PAK5: variants seen among roughly 807,000 people sequenced by gnomAD.
PAK5 encodes the protein serine/threonine-protein kinase PAK 5.
In PAK5, 16 loss-of-function variants were observed where a neutral mutation model predicts 65.9. That is an observed-to-expected ratio of 0.24 (90% CI 0.16 to 0.37). The LOEUF is 0.37. PAK5 is among the 10% of genes least tolerant of loss of function. The pLI is 1.00. For missense variants in PAK5, 785 were observed against 903.9 expected, an observed-to-expected ratio of 0.87 and a Z score of 1.69; for synonymous variants, 371 against 354.9, an observed-to-expected ratio of 1.05 and a Z score of -0.51.
rs184336536 is a variant in PAK5 at position 9,724,211 on chromosome 20, G to A, written c.-161-12776C>T. On this transcript the variant is annotated intron_variant, in intron 1 of 9. Transcript: ENST00000353224. Reference sequence around the variant, plus strand: ...AAATTTTTTTTAATTTGTAGTTTACGGAGATTTATTTATGTTTTTAGTACC... The same window carrying A: ...AAATTTTTTTTAATTTGTAGTTTACAGAGATTTATTTATGTTTTTAGTACC... Among the ~76,000 whole-genome samples the A allele has an allele frequency of 1.1e-3, 170 of 152,244 alleles. 2 individuals carry two copies. The highest frequency in any genetic ancestry group is 1.8e-3 in the Non-Finnish European group (125 of 68,028).
chr20:9,658,710 G>A (rs2047303695), intron 2 of PAK5, among the ~76,000 whole-genome samples: 1 of 152,176 alleles, frequency 6.6e-6, no homozygotes, highest in South Asian at 2.1e-4. Flanking sequence ...AACAAACCCT[G>A]ATTGTAATGT....
At chr20:9,712,808 T>C (rs75326655) in intron 1 of PAK5, among the ~76,000 whole-genome samples, 2,695 of 152,226 alleles carry the variant, frequency 0.018, 85 homozygotes, top group African/African-American at 0.062. Context: ...GAAAACCTGA[T>C]ATACATATAC....
At chr20:9,605,755 C>G (rs576654437) in intron 3 of PAK5, among the ~76,000 whole-genome samples, 97 of 152,088 alleles carry the variant, frequency 6.4e-4, no homozygotes, top group African/African-American at 2.1e-3. Context: ...ATGGTAAGAC[C>G]CCGTCTCTAC....
At chr20:9,753,500 G>C (rs1035093887) in intron 1 of PAK5, among the ~76,000 whole-genome samples, 6 of 152,024 alleles carry the variant, frequency 3.9e-5, no homozygotes, top group Admixed American at 3.9e-4. Flanking sequence ...AGTGTATATA[G>C]AGTTTCACAG....
At chr20:9,730,985 A>G (rs2048329650) in intron 1 of PAK5, among the ~76,000 whole-genome samples, 1 of 152,238 alleles carries the variant, frequency 6.6e-6, no homozygotes, top group Non-Finnish European at 1.5e-5. Context: ...TCCAGTGAAC[A>G]CTGACATAGT....
At chr20:9,563,752 T>C (rs897544348) in intron 5 of PAK5, among the ~76,000 whole-genome samples, 2 of 152,100 alleles carry the variant, frequency 1.3e-5, no homozygotes, top group Non-Finnish European at 2.9e-5. Flanking sequence ...GGCATTGTGG[T>C]TTGGAAAATA....
At chr20:9,662,958 T>A (rs1449887589) in intron 2 of PAK5, among the ~76,000 whole-genome samples, 1 of 152,182 alleles carries the variant, frequency 6.6e-6, no homozygotes, top group Non-Finnish European at 1.5e-5. Flanking sequence ...TTATATTTAA[T>A]GAGCCAAGGA....
At chr20:9,562,538 C>G (rs529642349) in intron 6 of PAK5, among the ~76,000 whole-genome samples, 1 of 152,162 alleles carries the variant, frequency 6.6e-6, no homozygotes, top group Non-Finnish European at 1.5e-5. Flanking sequence ...TCCTTGGTGT[C>G]TTAGCATGCA....
chr20:9,634,338 TG>T (rs2046958405), intron 3 of PAK5, among the ~76,000 whole-genome samples: 1 of 152,126 alleles, frequency 6.6e-6, no homozygotes, highest in African/African-American at 2.4e-5. Context: ...GAAGAAGTGG[TG>T]GGTACCCACA....
chr20:9,635,461 C>T (rs1479031300), intron 3 of PAK5, among the ~76,000 whole-genome samples: 1 of 152,040 alleles, frequency 6.6e-6, no homozygotes, highest in Non-Finnish European at 1.5e-5. Context: ...GGCCATATCC[C>T]CCACCCCTCT....
At chr20:9,602,044 G>C (rs2046369190) in intron 3 of PAK5, among the ~76,000 whole-genome samples, 1 of 152,152 alleles carries the variant, frequency 6.6e-6, no homozygotes, top group Non-Finnish European at 1.5e-5. Flanking sequence ...CTCCAGGAAT[G>C]CACTTTGGGA....
intron 1 of PAK5, among the ~76,000 whole-genome samples, chr20:9,818,472 G>A (rs1451760586): frequency 1.3e-5 from 2 of 152,090 alleles, no homozygotes; most frequent in African/African-American, 2.4e-5. Context: ...CTGCTTTAAC[G>A]AATATCACTG....
chr20:9,647,866 C>T (rs1266448330), intron 2 of PAK5, among the ~76,000 whole-genome samples: 1 of 152,230 alleles, frequency 6.6e-6, no homozygotes, highest in Non-Finnish European at 1.5e-5. Flanking sequence ...GACATTCTAT[C>T]AGCAGTGGCT....
At chr20:9,595,996 A>G (rs6056733) in intron 3 of PAK5, among the ~76,000 whole-genome samples, 33,241 of 152,068 alleles carry the variant, frequency 0.22, 5,110 homozygotes, top group African/African-American at 0.44. Context: ...TTCCTTCCAT[A>G]ATTTACGTGT....
At chr20:9,784,698 T>C (rs755893439) in intron 1 of PAK5, among the ~76,000 whole-genome samples, 3 of 151,716 alleles carry the variant, frequency 2.0e-5, no homozygotes, top group Admixed American at 6.6e-5. Flanking sequence ...AGTATTAATA[T>C]AGGAACCTCA....
chr20:9,775,721 C>G (rs2048880684), intron 1 of PAK5, among the ~76,000 whole-genome samples: 1 of 152,072 alleles, frequency 6.6e-6, no homozygotes, highest in South Asian at 2.1e-4. Flanking sequence ...AAGTATGTAT[C>G]TATTTATGGG....
At chr20:9,644,091 T>C (rs773088065) in intron 3 of PAK5, 34 bp downstream of exon 3, 2 of 1,550,572 alleles carry the variant, frequency 1.3e-6, no homozygotes, top group Non-Finnish European at 1.8e-6. Flanking sequence ...AGCATGATTC[T>C]TAAGCCCAGC....
At chr20:9,777,301 G>A (rs1268938488) in intron 1 of PAK5, among the ~76,000 whole-genome samples, 1 of 152,194 alleles carries the variant, frequency 6.6e-6, no homozygotes, top group Non-Finnish European at 1.5e-5. Context: ...CTCTTGAATT[G>A]TACTCCCACA....
intron 2 of PAK5, among the ~76,000 whole-genome samples, chr20:9,673,582 T>A (rs2047529797): frequency 6.6e-6 from 1 of 152,244 alleles, no homozygotes; most frequent in South Asian, 2.1e-4. Context: ...TTATATGTTA[T>A]CTGAGGAGAT....
Sources: allele counts gnomAD v4.1 joint callset (sites outside exome capture counted in the v4.1 genomes callset), GRCh38; gene constraint gnomAD v4.1.1; transcripts MANE v1.5; gene names NCBI Gene and HGNC (gene_info 2026-07-23, HGNC 2026-07-21).